Variants in HYDIN observed in about 807,000 individuals in gnomAD.
HYDIN encodes HYDIN axonemal central pair apparatus protein, also known as axonemal central pair apparatus protein HYDIN.
HYDIN carries 132 observed loss-of-function variants against 403.9 expected under a neutral mutation model. That is an observed-to-expected ratio of 0.33 (90% CI 0.28 to 0.38). The LOEUF (loss-of-function observed/expected upper bound fraction) is 0.38, where lower values mean the gene tolerates loss of function less well. HYDIN is among the 10% of genes least tolerant of loss of function. The pLI, the probability that HYDIN is intolerant of heterozygous loss-of-function variation, is 1.00. For synonymous variants in HYDIN, 1,202 were observed against 1,891.7 expected, an observed-to-expected ratio of 0.64 and a Z score of 9.46; for missense variants, 2,827 against 5,009.5, an observed-to-expected ratio of 0.56 and a Z score of 13.15.
intron 75 of HYDIN, among the ~76,000 whole-genome samples, chr16:70,842,573 A>C (rs2037902073): frequency 6.6e-6 from 1 of 152,088 alleles, no homozygotes; most frequent in Non-Finnish European, 1.5e-5. Flanking sequence ...TAAATGCTAT[A>C]TCTTTTTCTA....
At chr16:70,956,656 A>T (rs1350858770) in intron 39 of HYDIN, among the ~76,000 whole-genome samples, 1 of 152,064 alleles carries the variant, frequency 6.6e-6, no homozygotes, top group Non-Finnish European at 1.5e-5. Context: ...GGGAAGGAGG[A>T]AGAAGGGGCC....
intron 7 of HYDIN, among the ~76,000 whole-genome samples, chr16:71,141,422 CTATGA>C (rs2085168166): frequency 1.3e-5 from 2 of 151,782 alleles, no homozygotes; most frequent in Non-Finnish European, 2.9e-5. Context: ...GAAAAGTTTC[CTATGA>C]CTCAAAATCC....
At position 71,152,870 on chromosome 16, in the gene HYDIN, C is replaced by A. The variant is rs1031903274; in HGVS notation, c.717-87G>T. Reference sequence around the variant, plus strand: ...AAAGGAGACAGGAGTTCTAGTTCTGCAGACAGCTCAGACCCAGCACTGCAA... The same window carrying A: ...AAAGGAGACAGGAGTTCTAGTTCTGAAGACAGCTCAGACCCAGCACTGCAA... On this transcript the variant is annotated intron_variant, in intron 6 of 85. Transcript: ENST00000393567. The A allele has an allele frequency of 3.0e-6, 3 of 1,014,508 alleles. No individual in the cohort carries two copies. The African/African-American group carries it at 4.8e-5, about 16-fold the overall frequency. 62.8% of individuals were successfully genotyped at this position (1,014,508 alleles called of 1,614,324 possible). A position where few individuals can be genotyped will look rare whatever the true frequency, so the allele number is the denominator to read the frequency against.
At chr16:71,107,263 C>T (rs11075862) in intron 10 of HYDIN, among the ~76,000 whole-genome samples, 1,961 of 146,324 alleles carry the variant, frequency 0.013, no homozygotes, top group East Asian at 0.066. Context: ...CAAACCTGCA[C>T]GTTGTGCACA....
At chr16:71,049,040 C>T (rs1489777455) in intron 18 of HYDIN, among the ~76,000 whole-genome samples, 2 of 152,222 alleles carry the variant, frequency 1.3e-5, no homozygotes, top group Non-Finnish European at 2.9e-5. Flanking sequence ...GAAAAAGAGG[C>T]GCAATTTTGA....
intron 15 of HYDIN, chr16:71,066,331 G>A (rs1355583492): frequency 6.5e-6 from 1 of 152,746 alleles, no homozygotes; most frequent in Non-Finnish European, 1.5e-5. Flanking sequence ...CCTAATTTAA[G>A]TTGTTTCTGC....
At position 70,807,629 on chromosome 16, in the gene HYDIN, C is replaced by T. The variant is rs1000848709; in HGVS notation, c.15317G>A (p.Ser5106Asn). ...ATAAACCCATTTAACTCCAGTCTCA[C>T]TCCCTTCACCAGGAGGGCAGCTCAC... ...LTVSCPPGEG[S>N]ETGVKWVYYL... Residue 5106 changes from serine to asparagine, a missense_variant, in exon 86 of 86, where the codon AGT (serine) becomes AAT (asparagine). Transcript: ENST00000393567. 5 of 1,614,140 alleles carry T rather than the reference C, an allele frequency of 3.1e-6. No individual in the cohort carries two copies. Among genetic ancestry groups the T allele is most frequent in the African/African-American group, 1.3e-5 (1 of 75,060 alleles).
chr16:71,152,468 A>C (rs2085575274), intron 7 of HYDIN, among the ~76,000 whole-genome samples, 191 bp downstream of exon 7: 2 of 150,874 alleles, frequency 1.3e-5, no homozygotes, highest in South Asian at 4.2e-4. Flanking sequence ...TCTCCTAAGC[A>C]GTGTACACTG....
chr16:71,212,683 AAAC>A (rs2088660499), intron 1 of HYDIN, among the ~76,000 whole-genome samples: 1 of 152,182 alleles, frequency 6.6e-6, no homozygotes, highest in South Asian at 2.1e-4. Flanking sequence ...CAAAAAAAGT[AAAC>A]AAGTTAAGAA....
intron 57 of HYDIN, among the ~76,000 whole-genome samples, chr16:70,890,058 T>A (rs1157097332): frequency 1.3e-5 from 2 of 152,256 alleles, no homozygotes; most frequent in Non-Finnish European, 2.9e-5. Context: ...TTTTAAAAAA[T>A]GAAATGGCAA....
intron 1 of HYDIN, among the ~76,000 whole-genome samples, chr16:71,202,063 C>T (rs2088046693): frequency 6.6e-6 from 1 of 152,154 alleles, no homozygotes; most frequent in Admixed American, 6.5e-5. Flanking sequence ...AATATAATAA[C>T]TTCTATCTTA....
At chr16:70,920,541 G>A in intron 46 of HYDIN, 50 bp downstream of exon 46, 1 of 1,452,682 alleles carries the variant, frequency 6.9e-7, no homozygotes, top group Non-Finnish European at 9.4e-7. Flanking sequence ...CCTTAGCACA[G>A]CGCCTGCTGC....
intron 62 of HYDIN, among the ~76,000 whole-genome samples, chr16:70,875,730 GGA>G (rs1278962664): frequency 1.3e-5 from 2 of 152,114 alleles, no homozygotes; most frequent in Non-Finnish European, 2.9e-5. Context: ...TGTTCCTGGT[GGA>G]GAGTCTAAAT....
intron 18 of HYDIN, among the ~76,000 whole-genome samples, chr16:71,049,042 C>T (rs1229038108): frequency 1.3e-5 from 2 of 152,234 alleles, no homozygotes; most frequent in South Asian, 2.1e-4. Flanking sequence ...AAAAGAGGCG[C>T]AATTTTGAAA....
chr16:71,182,558 G>GT (rs1279832114), intron 3 of HYDIN, among the ~76,000 whole-genome samples: 1 of 152,094 alleles, frequency 6.6e-6, no homozygotes, highest in Admixed American at 6.6e-5. Flanking sequence ...AAACATATAA[G>GT]TGGGGGTATG....
intron 1 of HYDIN, among the ~76,000 whole-genome samples, chr16:71,201,812 G>GT (rs1227358627): frequency 6.6e-6 from 1 of 152,206 alleles, no homozygotes; most frequent in Non-Finnish European, 1.5e-5. Flanking sequence ...GCCAGTCAAT[G>GT]TTTTTTGACA....
intron 45 of HYDIN, among the ~76,000 whole-genome samples, chr16:70,921,810 T>C (rs2077002602): frequency 1.3e-5 from 2 of 152,170 alleles, no homozygotes; most frequent in South Asian, 2.1e-4. Flanking sequence ...TGGGAACAAA[T>C]GGGGGTTTAG....
At chr16:71,002,086 T>C (rs1305249656) in intron 23 of HYDIN, among the ~76,000 whole-genome samples, 4 of 152,250 alleles carry the variant, frequency 2.6e-5, no homozygotes, top group Non-Finnish European at 5.9e-5. Context: ...CTTTATGTAG[T>C]ATGTAGACTG....
intron 19 of HYDIN, among the ~76,000 whole-genome samples, chr16:71,030,925 G>C (rs566007372): frequency 6.6e-6 from 1 of 152,208 alleles, no homozygotes; most frequent in East Asian, 1.9e-4. Flanking sequence ...TAGTGACCGG[G>C]CACGGTGGCT....
Sources: gnomAD v4.1 joint callset for allele counts (sites outside exome capture counted in the v4.1 genomes callset) on GRCh38, gnomAD v4.1.1 for gene constraint, MANE v1.5 for transcripts, NCBI Gene and HGNC (gene_info 2026-07-23, HGNC 2026-07-21) for gene names.